SLC4A4: variants seen among roughly 807,000 people sequenced by gnomAD.
The protein encoded by SLC4A4 is electrogenic sodium bicarbonate cotransporter 1.
SLC4A4 carries 27 observed loss-of-function variants against 111.5 expected under a neutral mutation model. That is an observed-to-expected ratio of 0.24 (90% CI 0.18 to 0.33). SLC4A4 has a LOEUF of 0.33. Among genes scored for constraint, SLC4A4 ranks in the 10% least tolerant of loss-of-function variants. SLC4A4 has a pLI of 1.00. For missense variants in SLC4A4, 909 were observed against 1,315.5 expected, an observed-to-expected ratio of 0.69 and a Z score of 4.78; for synonymous variants, 443 against 463.4, an observed-to-expected ratio of 0.96 and a Z score of 0.57.
chr4:71,162,523 C>A (rs993485566), intron 2 of SLC4A4, among the ~76,000 whole-genome samples: 1 of 152,178 alleles, frequency 6.6e-6, no homozygotes, highest in East Asian at 1.9e-4. Flanking sequence ...TCAGTCTCTG[C>A]TAACCTTTAA....
At chr4:71,482,970 A>G (rs1729021511) in intron 14 of SLC4A4, among the ~76,000 whole-genome samples, 3 of 151,660 alleles carry the variant, frequency 2.0e-5, no homozygotes. Flanking sequence ...TGAAATGGGT[A>G]TAAAAGTATA....
At chr4:71,401,272 A>G (rs1027842784) in intron 7 of SLC4A4, among the ~76,000 whole-genome samples, 1 of 152,242 alleles carries the variant, frequency 6.6e-6, no homozygotes, top group African/African-American at 2.4e-5. Flanking sequence ...TGCCAAGCCT[A>G]TGTGCTTACG....
At chr4:71,368,063 T>A (rs556800585) in intron 6 of SLC4A4, among the ~76,000 whole-genome samples, 15 of 152,330 alleles carry the variant, frequency 9.8e-5, no homozygotes, top group African/African-American at 3.6e-4. Context: ...TTGCATGTAG[T>A]CTGATGGCTA....
intron 2 of SLC4A4, among the ~76,000 whole-genome samples, chr4:71,163,060 T>C (rs1744651632): frequency 6.6e-6 from 1 of 152,246 alleles, no homozygotes; most frequent in African/African-American, 2.4e-5. Flanking sequence ...AGAAAGTGAT[T>C]GGTTGCACAA....
chr4:71,209,869 A>G (rs1039410994), intron 1 of SLC4A4, among the ~76,000 whole-genome samples: 1 of 152,072 alleles, frequency 6.6e-6, no homozygotes, highest in African/African-American at 2.4e-5. Context: ...TTAGCACTGT[A>G]TTTTATTTCA....
chr4:71,366,299 A>AT (rs922317315), intron 6 of SLC4A4, among the ~76,000 whole-genome samples: 10 of 123,822 alleles, frequency 8.1e-5, no homozygotes, highest in Admixed American at 3.4e-4. Context: ...TAAAAAAAGC[A>AT]TTTTTTCTGG....
At chr4:71,530,732 T>C (rs2149207701) in intron 16 of SLC4A4, among the ~76,000 whole-genome samples, 1 of 152,234 alleles carries the variant, frequency 6.6e-6, no homozygotes, top group African/African-American at 2.4e-5. Flanking sequence ...ACACTAGGGC[T>C]TTTACCTTAC....
At chr4:71,417,983 T>C (rs1270193843) in intron 7 of SLC4A4, among the ~76,000 whole-genome samples, 4 of 152,214 alleles carry the variant, frequency 2.6e-5, no homozygotes, top group African/African-American at 9.6e-5. Context: ...TCTTACAAGC[T>C]TGCTGTAAGA....
At position 71,421,467 on chromosome 4, in the gene SLC4A4, A is replaced by G. The variant is rs1260662145; in HGVS notation, c.808-19149A>G. ...ACAAGGATATCCAGGAATTGAATTC[A>G]GCTCTGCACCAGGCGGACCTAATAG... On this transcript the variant is annotated intron_variant, in intron 7 of 25. Coordinates refer to ENST00000264485, the MANE Select transcript of SLC4A4 (RefSeq NM_001098484.3). Among the ~76,000 whole-genome samples, 4 of 152,326 alleles carry G rather than the reference A, an allele frequency of 2.6e-5. No homozygotes were observed. In the East Asian group the frequency reaches 7.7e-4, roughly 29 times the overall value.
intron 2 of SLC4A4, among the ~76,000 whole-genome samples, chr4:71,096,900 T>G (rs748581438): frequency 6.6e-6 from 1 of 152,310 alleles, no homozygotes; most frequent in South Asian, 2.1e-4. Context: ...AACATAATCA[T>G]CACCTCCAAA....
At chr4:71,448,177 A>G (rs1725408758) in intron 9 of SLC4A4, among the ~76,000 whole-genome samples, 1 of 151,894 alleles carries the variant, frequency 6.6e-6, no homozygotes, top group Admixed American at 6.6e-5. Flanking sequence ...AAAATTAGCC[A>G]GGCATGGTGG....
chr4:71,363,115 A>G (rs1223554725), intron 6 of SLC4A4, among the ~76,000 whole-genome samples: 3 of 152,196 alleles, frequency 2.0e-5, no homozygotes, highest in Non-Finnish European at 2.9e-5. Flanking sequence ...CTGGTTTGAT[A>G]TAAACACACA....
intron 2 of SLC4A4, among the ~76,000 whole-genome samples, chr4:71,107,041 T>C (rs1161484153): frequency 6.6e-6 from 1 of 151,986 alleles, no homozygotes; most frequent in Non-Finnish European, 1.5e-5. Flanking sequence ...CACCATGCCC[T>C]ATTGGTTATT....
intron 24 of SLC4A4, among the ~76,000 whole-genome samples, chr4:71,565,208 G>A (rs751182095): frequency 6.6e-5 from 10 of 151,832 alleles, no homozygotes; most frequent in Non-Finnish European, 1.3e-4. Context: ...TTTGGCCCAC[G>A]CCCCATGGAG....
chr4:71,063,989 A>C (rs1560700686), intron 1 of SLC4A4, among the ~76,000 whole-genome samples: 2 of 152,152 alleles, frequency 1.3e-5, no homozygotes, highest in African/African-American at 4.8e-5. Context: ...AAGGACCTAA[A>C]GGTCCTTTGA....
chr4:71,413,220 G>A (rs762487507), intron 7 of SLC4A4, among the ~76,000 whole-genome samples: 64 of 152,160 alleles, frequency 4.2e-4, no homozygotes, highest in Non-Finnish European at 7.5e-4. Context: ...GACTACTACA[G>A]ATTTAATTAT....
chr4:71,179,365 C>T (rs1745208623), intron 2 of SLC4A4, among the ~76,000 whole-genome samples: 1 of 152,192 alleles, frequency 6.6e-6, no homozygotes, highest in East Asian at 1.9e-4. Flanking sequence ...GGCAATCAGG[C>T]AGAAGAAGGA....
At chr4:71,107,559 A>C (rs1437432135) in intron 2 of SLC4A4, among the ~76,000 whole-genome samples, 1 of 152,124 alleles carries the variant, frequency 6.6e-6, no homozygotes, top group African/African-American at 2.4e-5. Context: ...CATGTTGGCC[A>C]GGCTGGTCTC....
chr4:71,315,429 A>G (rs1356594602), intron 3 of SLC4A4, among the ~76,000 whole-genome samples: 1 of 152,172 alleles, frequency 6.6e-6, no homozygotes, highest in African/African-American at 2.4e-5. Flanking sequence ...TTTTATTATG[A>G]TAAGAAACTG....
Sources: allele counts gnomAD v4.1 joint callset (sites outside exome capture counted in the v4.1 genomes callset), GRCh38; gene constraint gnomAD v4.1.1; transcripts MANE v1.5; gene names NCBI Gene and HGNC (gene_info 2026-07-23, HGNC 2026-07-21).